Variants in TRIM45 observed in about 807,000 individuals in gnomAD.
The protein encoded by TRIM45 is tripartite motif containing 45.
Under a neutral mutation model 46.7 loss-of-function variants are expected in TRIM45, and 45 were observed. The observed-to-expected ratio is 0.96, with a 90% confidence interval of 0.76 to 1.24. The LOEUF (loss-of-function observed/expected upper bound fraction) is 1.24. Among genes scored for constraint, TRIM45 ranks in the 50% most tolerant of loss-of-function variants. The pLI is 0.00. For missense variants in TRIM45, 680 were observed against 728.4 expected (o/e 0.93, Z 0.77); for synonymous variants, 259 against 285.8 (o/e 0.91, Z 0.94).
At position 117,115,082 on chromosome 1, in the gene TRIM45, AG is replaced by A. The variant is rs1213838146; in HGVS notation, c.1467+492del. ...ATATTTGTTTGTTTATAGGAACCAT[AG>A]TAACAGAAAAACCTATATGTAAAAC... On this transcript the variant is annotated intron_variant, in intron 4 of 5. Coordinates refer to ENST00000256649, the MANE Select transcript of TRIM45 (RefSeq NM_025188.4). The surrounding 1 kb of genome is among the most constrained non-coding windows in gnomAD (Gnocchi z 4.2). Among the ~76,000 whole-genome samples the A allele has an allele frequency of 6.6e-6, 1 of 152,236 alleles. No homozygotes were observed. The highest frequency in any genetic ancestry group is 1.5e-5 in the Non-Finnish European group (1 of 68,042).
In TRIM45 at chr1:117,121,623, G is replaced by A. The variant is rs948999897; in HGVS notation, c.-422C>T. ...GACCCCACCCGCGCACGATGAGGTAGGGGCCCTCTTGCTCCTTCCCTCTGC... is the reference window on the plus strand; with the variant it reads ...GACCCCACCCGCGCACGATGAGGTAAGGGCCCTCTTGCTCCTTCCCTCTGC... On this transcript the variant is annotated 5_prime_UTR_variant, in exon 1 of 6. Coordinates refer to ENST00000256649, the MANE Select transcript of TRIM45 (RefSeq NM_025188.4). The surrounding 1 kb of genome is among the most constrained non-coding windows in gnomAD (Gnocchi z 4.2). 3.4e-5 allele frequency: 18 copies of A among 528,540 alleles called. No homozygotes were observed. The Admixed American group carries it at 6.5e-4, about 19-fold the overall frequency. The allele number at this position is 528,540 out of a possible 1,614,324, so 32.7% of individuals were successfully genotyped here. A position where few individuals can be genotyped will look rare whatever the true frequency, so the allele number is the denominator to read the frequency against.
rs571988914 is a variant in TRIM45, at chr1:117,113,100, A to ATCCTAC, written c.1594+253_1594+258dup. ...CTGGAAAGGGACAGACAAACTGAGA[A>ATCCTAC]TCCTACATAGAAGCACAGGGCTCAT... On this transcript the variant is annotated intron_variant, in intron 5 of 5. Transcript: ENST00000256649. This position sits in a 1 kb window ranked among gnomAD's most constrained non-coding sequence, Gnocchi z 4.0. 1.2e-3 allele frequency among the ~76,000 whole-genome samples: 187 copies of ATCCTAC among 152,356 alleles called. 1 individual carries two copies. Among genetic ancestry groups the ATCCTAC allele is most frequent in the African/African-American group, 4.3e-3 (178 of 41,586 alleles).
intron 4 of TRIM45, among the ~76,000 whole-genome samples, chr1:117,114,013 G>GA (rs1650314173): frequency 6.6e-6 from 1 of 152,098 alleles, no homozygotes; most frequent in Non-Finnish European, 1.5e-5. Context: ...AATTCTTAAG[G>GA]AACCTCAGGT....
Position 117,120,976 on chromosome 1 carries a change from A to AC in TRIM45, c.225dup (p.Ser76ValfsTer23). ...CGTGGCTTGAGTTCCTGGAATATTG[A>AC]CCCCTCAGAGCTTGTGTCAGAGTCT... is the stretch of plus-strand genomic sequence containing the variant. On this transcript the variant is annotated frameshift_variant, in exon 1 of 6. Transcript: ENST00000256649. LOFTEE classifies it high-confidence loss of function. 3.1e-6 allele frequency: 5 copies of AC among 1,613,910 alleles called. No individual in the cohort carries two copies. Among genetic ancestry groups the AC allele is most frequent in the Non-Finnish European group, 4.2e-6 (5 of 1,179,990 alleles).
upstream of TRIM45, among the ~76,000 whole-genome samples, chr1:117,123,039 A>T (rs1650719545): frequency 4.5e-5 from 2 of 44,806 alleles, no homozygotes; most frequent in African/African-American, 9.1e-5. Flanking sequence ...ACCCCAAAAT[A>T]TGAAAAAAAA....
In TRIM45 at chr1:117,118,424, G is replaced by A. The variant is rs776584624; in HGVS notation, c.832C>T (p.Arg278Trp). 29 of 1,613,936 alleles carry A rather than the reference G, an allele frequency of 1.8e-5. No homozygotes were observed. Among genetic ancestry groups the A allele is most frequent in the East Asian group, 4.5e-5 (2 of 44,884 alleles). Residue 278 changes from arginine (R) to tryptophan (W), a missense_variant, in exon 2 of 6, where the codon CGG becomes TGG. By Grantham distance (101) the Arg-to-Trp change is moderately radical. Around this residue, in one of 3 missense-constraint regions of TRIM45, gnomAD observed 349 missense variants for 343.6 expected, o/e 1.02. Transcript: ENST00000256649. The surrounding 1 kb of genome is among the most constrained non-coding windows in gnomAD (Gnocchi z 5.7). ...TTAATGTAGCCCTCCGAGAATGTCC[G>A]GACATCAGCTGCCACTGCCTCCACT... ...KRVEAVAADV[R>W]TFSEGYIKAI... is the part of the protein sequence containing the mutation.
At position 117,121,121 on chromosome 1, in the gene TRIM45, A is replaced by T. The variant is rs1478081722; in HGVS notation, c.81T>A (p.Thr27=). 1.2e-6 allele frequency: 2 copies of T among 1,612,190 alleles called. No individual in the cohort carries two copies. The highest frequency in any genetic ancestry group is 8.5e-7 in the Non-Finnish European group (1 of 1,179,106). ...SGTALGNSGK[T]HCPLCLGLFK... ...AAAGCCCCAAGCACAGGGGGCAGTG[A>T]GTCTTGCCTGAGTTCCCAAGTGCAG... Residue 27 remains threonine, a synonymous_variant, in exon 1 of 6, where the codon ACT becomes ACA. Coordinates refer to ENST00000256649, the MANE Select transcript of TRIM45 (RefSeq NM_025188.4). This position sits in a 1 kb window ranked among gnomAD's most constrained non-coding sequence, Gnocchi z 4.2.
At position 117,118,009 on chromosome 1, in the gene TRIM45, A is replaced by G. The variant is rs368439178; in HGVS notation, c.1222+25T>C. ...CACCTCCCTGTCCACTGCCCTCTCA[A>G]TGTCAATGGGAAATGCCTTCCTACC... On this transcript the variant is annotated intron_variant, in intron 2 of 5. Transcript: ENST00000256649. This position sits in a 1 kb window ranked among gnomAD's most constrained non-coding sequence, Gnocchi z 5.7. 32 of 1,597,360 alleles carry G rather than the reference A, an allele frequency of 2.0e-5. No homozygotes were observed. The highest frequency in any genetic ancestry group is 2.6e-5 in the Non-Finnish European group (31 of 1,171,596).
rs1650639723 is a variant in TRIM45 at position 117,121,669 on chromosome 1, G to C, written c.-468C>G. ...TCTGCGAAAGGCGCGCGCCGGGTGA[G>C]GGAATTGCAAGCCGCCGGCGGGCTT... On this transcript the variant is annotated 5_prime_UTR_variant, in exon 1 of 6. Transcript: ENST00000256649. The surrounding 1 kb of genome is among the most constrained non-coding windows in gnomAD (Gnocchi z 4.2). The C allele has an allele frequency of 3.6e-6, 2 of 548,116 alleles. No homozygotes were observed. Among genetic ancestry groups the C allele is most frequent in the East Asian group, 6.6e-5 (2 of 30,316 alleles). 34.0% of individuals were successfully genotyped at this position (548,116 alleles called of 1,614,324 possible). A position where few individuals can be genotyped will look rare whatever the true frequency, so the allele number is the denominator to read the frequency against.
In TRIM45 at chr1:117,121,221, A is replaced by T; in HGVS notation, c.-20T>A. ...TGACATACTCCTCACGTTTGTGACC[A>T]ATATTAGAAAGGGCCCTGGGCAGTT... is the stretch of plus-strand genomic sequence containing the variant. On this transcript the variant is annotated 5_prime_UTR_variant, in exon 1 of 6. Coordinates refer to ENST00000256649, the MANE Select transcript of TRIM45 (RefSeq NM_025188.4). This position sits in a 1 kb window ranked among gnomAD's most constrained non-coding sequence, Gnocchi z 4.2. 6.6e-7 allele frequency: 1 copy of T among 1,520,020 alleles called. No homozygotes were observed. The highest frequency in any genetic ancestry group is 2.3e-5 in the East Asian group (1 of 44,284). 94.2% of individuals were successfully genotyped at this position (1,520,020 alleles called of 1,614,324 possible).
In TRIM45 at chr1:117,116,885, G is replaced by T; in HGVS notation, c.1223-140C>A. 8.3e-7 allele frequency: 1 copy of T among 1,203,220 alleles called. No homozygotes were observed. The highest frequency in any genetic ancestry group is 1.1e-6 in the Non-Finnish European group (1 of 873,130). The allele number at this position is 1,203,220 out of a possible 1,614,324, so 74.5% of individuals were successfully genotyped here. ...TCCCTTTGTTTTCTCTTCCCCTTCT[G>T]CCTCCCAGAGTACGCCTCTTGGGAG... On this transcript the variant is annotated intron_variant, in intron 2 of 5. Transcript: ENST00000256649. This position sits in a 1 kb window ranked among gnomAD's most constrained non-coding sequence, Gnocchi z 4.6.
rs950383765 is a variant in TRIM45 at position 117,113,003 on chromosome 1, G to T, written c.1594+356C>A. 2.6e-5 allele frequency among the ~76,000 whole-genome samples: 4 copies of T among 152,108 alleles called. No homozygotes were observed. Among genetic ancestry groups the T allele is most frequent in the African/African-American group, 9.7e-5 (4 of 41,422 alleles). On this transcript the variant is annotated intron_variant, in intron 5 of 5. Coordinates refer to ENST00000256649, the MANE Select transcript of TRIM45 (RefSeq NM_025188.4). This position sits in a 1 kb window ranked among gnomAD's most constrained non-coding sequence, Gnocchi z 4.0. The stretch of plus-strand genomic sequence containing the variant: ...TTTAATCATCCACTCCCCTAGCCAT[G>T]CCTCATTTGGAATTTATTTAAGGTT...
chr1:117,122,523 TC>T (rs1650696064), upstream of TRIM45: 1 of 152,274 alleles, frequency 6.6e-6, no homozygotes, highest in African/African-American at 2.4e-5. Flanking sequence ...TGTTTTCCGG[TC>T]CGGGGGGAGT....
Position 117,112,150 on chromosome 1 carries a change from A to C in TRIM45, c.*155T>G. Reference sequence around the variant, plus strand: ...TGCTCAACCATCCACAAGTACAATCAGTGAATAACTAACAAAAGAGCACTT... The same window carrying C: ...TGCTCAACCATCCACAAGTACAATCCGTGAATAACTAACAAAAGAGCACTT... On this transcript the variant is annotated 3_prime_UTR_variant, in exon 6 of 6. Transcript: ENST00000256649. The C allele has an allele frequency of 1.4e-6, 1 of 738,550 alleles. No homozygotes were observed. The allele number at this position is 738,550 out of a possible 1,614,324, so 45.7% of individuals were successfully genotyped here.
intron 1 of TRIM45, among the ~76,000 whole-genome samples, chr1:117,119,574 T>G (rs1315060359): frequency 6.6e-6 from 1 of 150,586 alleles, no homozygotes; most frequent in East Asian, 1.9e-4. Flanking sequence ...GTTATTGCAC[T>G]CCAGCCTGGG....
chr1:117,122,044 CTG>C (rs1557850257), upstream of TRIM45: 4 of 498,638 alleles, frequency 8.0e-6, no homozygotes, highest in East Asian at 1.4e-4. Context: ...GTCCCTCTCT[CTG>C]TGGTGACCAG....
At position 117,118,277 on chromosome 1, in the gene TRIM45, C is replaced by G. The variant is rs1400683740; in HGVS notation, c.979G>C (p.Gly327Arg). 1 of 1,614,096 alleles carries G rather than the reference C, an allele frequency of 6.2e-7. No homozygotes were observed. The highest frequency in any genetic ancestry group is 8.5e-7 in the Non-Finnish European group (1 of 1,180,032). Reference sequence around the variant, plus strand: ...AGCAAGTGCTCGGTGAACTCCACTCCAGTCCGCATGTCTGCCAGTAACTGT... The same window carrying G: ...AGCAAGTGCTCGGTGAACTCCACTCGAGTCCGCATGTCTGCCAGTAACTGT... ...LEQLLADMRT[G>R]VEFTEHLLTS... Residue 327 changes from glycine (G) to arginine (R), a missense_variant, in exon 2 of 6, where the codon GGA becomes CGA. Gly to Arg is a moderately radical substitution (Grantham distance 125). Coordinates refer to ENST00000256649, the MANE Select transcript of TRIM45 (RefSeq NM_025188.4). This position sits in a 1 kb window ranked among gnomAD's most constrained non-coding sequence, Gnocchi z 5.7.
Position 117,113,457 on chromosome 1 carries a change from C to T in TRIM45, c.1496G>A (p.Arg499Lys). Residue 499 changes from arginine to lysine, a missense_variant, in exon 5 of 6, where the codon AGA (arginine) becomes AAA (lysine). Coordinates refer to ENST00000256649, the MANE Select transcript of TRIM45 (RefSeq NM_025188.4). The surrounding 1 kb of genome is among the most constrained non-coding windows in gnomAD (Gnocchi z 4.0). ...QGSPFTVMVR[R>K]KHRPHSGVFH... ...CACGCCTGAGTGTGGGCGGTGCTTT[C>T]TCCTCACCATCACAGTGAATGGCGA... The T allele has an allele frequency of 6.2e-7, 1 of 1,612,920 alleles. No homozygotes were observed. Among genetic ancestry groups the T allele is most frequent in the South Asian group, 1.1e-5 (1 of 91,022 alleles).
chr1:117,117,215 A>G lies in TRIM45; in HGVS notation c.1223-470T>C, dbSNP rs373784851. On this transcript the variant is annotated intron_variant, in intron 2 of 5. Coordinates refer to ENST00000256649, the MANE Select transcript of TRIM45 (RefSeq NM_025188.4). This position sits in a 1 kb window ranked among gnomAD's most constrained non-coding sequence, Gnocchi z 4.9. Reference sequence around the variant, plus strand: ...CCAAGGTACTGGGGGGATATCCAGTAGCTACAGCCCCTACTCCAGCATTCA... The same window carrying G: ...CCAAGGTACTGGGGGGATATCCAGTGGCTACAGCCCCTACTCCAGCATTCA... 3.3e-5 allele frequency among the ~76,000 whole-genome samples: 5 copies of G among 152,294 alleles called. No homozygotes were observed. The East Asian group carries it at 5.8e-4, about 18-fold the overall frequency.
Sources: allele counts gnomAD v4.1 joint callset (sites outside exome capture counted in the v4.1 genomes callset), GRCh38; gene constraint gnomAD v4.1.1; regional missense constraint gnomAD v4.1.1; non-coding constraint Gnocchi (gnomAD v3.1); transcripts MANE v1.5; gene names NCBI Gene and HGNC (gene_info 2026-07-23, HGNC 2026-07-21).